The following CARF variants were observed in gnomAD, a reference collection of about 807,000 sequenced individuals.
CARF encodes calcium-responsive transcription factor.
A neutral mutation model predicts 82.0 loss-of-function variants in CARF; 57 were observed. The ratio of observed to expected loss-of-function variants is 0.70; its 90% CI spans 0.56 to 0.87. The LOEUF (loss-of-function observed/expected upper bound fraction) is 0.87. CARF is among the 40% of genes least tolerant of loss of function. The probability of loss-of-function intolerance (pLI) is 0.00; values close to 1 mark genes in which losing one functional copy is unlikely to be tolerated. For synonymous variants in CARF, 268 were observed against 290.1 expected (o/e 0.92, Z 0.77); for missense variants, 771 against 855.8 (o/e 0.90, Z 1.24).
At position 202,981,766 on chromosome 2, in the gene CARF, G is replaced by T; in HGVS notation, c.1689+81G>T. ...ACCTCTTCTTCTCCTAGGGATTTTA[G>T]AGAATTGTTACAGAATTATAATAAT... On this transcript the variant is annotated intron_variant, in intron 15 of 16. Coordinates refer to ENST00000438828, the MANE Select transcript of CARF (RefSeq NM_024744.17). 1.5e-5 allele frequency: 19 copies of T among 1,243,826 alleles called. No individual in the cohort carries two copies. The South Asian group carries it at 2.4e-4, about 16-fold the overall frequency. The allele number at this position is 1,243,826 out of a possible 1,614,324, so 77.0% of individuals were successfully genotyped here. A position where few individuals can be genotyped will look rare whatever the true frequency, so the allele number is the denominator to read the frequency against.
intron 12 of CARF, chr2:202,973,464 C>T (rs2059891474): frequency 4.6e-6 from 2 of 435,316 alleles, no homozygotes; most frequent in Admixed American, 5.3e-5. Context: ...CTTCTTTTGT[C>T]TCCGTGTAAA....
chr2:202,930,968 C>CTTTTTTTTTTTTTTTTTTTTTT (rs1007407230), intron 3 of CARF, among the ~76,000 whole-genome samples: 1 of 103,216 alleles, frequency 9.7e-6, no homozygotes. Flanking sequence ...TTTTTCTTTT[C>CTTTTTTTTTTTTTTTTTTTTTT]TTTTTTTTTT....
In CARF at chr2:202,983,749, A is replaced by T. The variant is rs2060356252; in HGVS notation, c.*125A>T. 3.0e-6 allele frequency: 2 copies of T among 663,722 alleles called. No homozygotes were observed. The highest frequency in any genetic ancestry group is 5.5e-5 in the East Asian group (2 of 36,170). The allele number at this position is 663,722 out of a possible 1,614,324, so 41.1% of individuals were successfully genotyped here. ...AAGACCAGTTTGATGAGAAGCTTTT[A>T]TTTAAAACTGATATATTTGTTGCCA... On this transcript the variant is annotated 3_prime_UTR_variant, in exon 17 of 17. Transcript: ENST00000438828.
At chr2:202,978,888 G>A (rs1284496269) in intron 14 of CARF, among the ~76,000 whole-genome samples, 1 of 152,130 alleles carries the variant, frequency 6.6e-6, no homozygotes, top group Non-Finnish European at 1.5e-5. Context: ...GAAAACTGAG[G>A]GATTAATTGA....
At chr2:202,957,956 T>A (rs904953905) in intron 8 of CARF, among the ~76,000 whole-genome samples, 9 of 151,878 alleles carry the variant, frequency 5.9e-5, no homozygotes, top group Non-Finnish European at 1.2e-4. Context: ...AAAAAAAAAT[T>A]AAAAAATAAA....
rs72932561 is a variant in CARF, at chr2:202,983,679, G to A, written c.*55G>A. On this transcript the variant is annotated 3_prime_UTR_variant, in exon 17 of 17. Coordinates refer to ENST00000438828, the MANE Select transcript of CARF (RefSeq NM_024744.17). Reference sequence around the variant, plus strand: ...CTGGTGACTTCTGATGTCTTAGAAAGGAAGGTGAATATAGTCAAAGCGTGG... The same window carrying A: ...CTGGTGACTTCTGATGTCTTAGAAAAGAAGGTGAATATAGTCAAAGCGTGG... 115,559 of 1,095,102 alleles carry A rather than the reference G, an allele frequency of 0.11. 7,193 individuals carry two copies. Among genetic ancestry groups the A allele is most frequent in the Non-Finnish European group, 0.13 (91,284 of 722,632 alleles). 67.8% of individuals were successfully genotyped at this position (1,095,102 alleles called of 1,614,324 possible). A position where few individuals can be genotyped will look rare whatever the true frequency, so the allele number is the denominator to read the frequency against.
chr2:202,937,930 T>TAA (rs11346288), intron 3 of CARF, among the ~76,000 whole-genome samples: 20 of 143,350 alleles, frequency 1.4e-4, no homozygotes, highest in Non-Finnish European at 2.0e-4. Context: ...CAGCCAACTG[T>TAA]AAAAAAAAAA....
At chr2:202,927,173 A>G (rs1348237597) in intron 3 of CARF, among the ~76,000 whole-genome samples, 2 of 152,076 alleles carry the variant, frequency 1.3e-5, no homozygotes, top group Non-Finnish European at 2.9e-5. Flanking sequence ...TTCTCTACAG[A>G]AAACCAGTTT....
In CARF at chr2:202,941,962, C is replaced by T; in HGVS notation, c.60C>T (p.Thr20=). ...ATAATGACGGTGAAGAGTCAAAAAC[C>T]AGTGCTCAAGTATTTGAGGTATGGA... ...VNHNDGEESK[T]SAQVFEHLIC... The change falls in exon 4 of 17, where the codon ACC becomes ACT. Residue 20 remains threonine (T), a synonymous_variant. Transcript: ENST00000438828. 6.2e-7 allele frequency: 1 copy of T among 1,613,278 alleles called. No homozygotes were observed. Among genetic ancestry groups the T allele is most frequent in the Non-Finnish European group, 8.5e-7 (1 of 1,179,510 alleles).
intron 13 of CARF, 114 bp from the exon 14 acceptor site, chr2:202,977,155 T>C: frequency 2.8e-6 from 2 of 721,556 alleles, no homozygotes; most frequent in Non-Finnish European, 4.8e-6. Context: ...GTGAAGAGAG[T>C]AGTTGCAGAA....
chr2:202,917,114 G>A (rs1055936411), intron 1 of CARF, among the ~76,000 whole-genome samples: 3 of 149,164 alleles, frequency 2.0e-5, no homozygotes, highest in African/African-American at 7.4e-5. Flanking sequence ...GGGAGGCTGA[G>A]GCAGGAGAAT....
At chr2:202,960,485 G>C (rs1325382718) in intron 8 of CARF, among the ~76,000 whole-genome samples, 1 of 151,936 alleles carries the variant, frequency 6.6e-6, no homozygotes, top group Non-Finnish European at 1.5e-5. Flanking sequence ...CTTGACCTCA[G>C]GTGATCTGCC....
chr2:202,976,417 G>T (rs993554497), intron 13 of CARF, among the ~76,000 whole-genome samples: 2 of 151,292 alleles, frequency 1.3e-5, no homozygotes, highest in Admixed American at 1.3e-4. Context: ...CACGTGATCT[G>T]CCCTCCTTGG....
Position 202,942,875 on chromosome 2 carries a change from ACT to A in CARF, c.217_218del (p.Leu73PhefsTer18), listed in dbSNP as rs1559216500. 3 of 1,613,976 alleles carry A rather than the reference ACT, an allele frequency of 1.9e-6. No individual in the cohort carries two copies. The highest frequency in any genetic ancestry group is 2.5e-6 in the Non-Finnish European group (3 of 1,180,014). On this transcript the variant is annotated frameshift_variant, in exon 5 of 17. Transcript: ENST00000438828. LOFTEE classifies it high-confidence loss of function. Reference protein sequence around the residue: ...NIPGPLTQTQTLSAEQFHLVD... With the variant: ...NIPGPLTQTQXLSAEQFHLVD... ...ACCAGGGCCCCTGACTCAGACACAGACTCTTTCTGCAGAGCAATTCCATCTAG... is the reference window on the plus strand; with the variant it reads ...ACCAGGGCCCCTGACTCAGACACAGACTTTCTGCAGAGCAATTCCATCTAG...
intron 9 of CARF, among the ~76,000 whole-genome samples, chr2:202,964,137 G>C (rs2059439556): frequency 6.6e-6 from 1 of 152,104 alleles, no homozygotes; most frequent in African/African-American, 2.4e-5. Context: ...ACCGTTTTCT[G>C]AGCTTTTTGG....
intron 3 of CARF, among the ~76,000 whole-genome samples, chr2:202,933,912 C>T (rs1693443330): frequency 6.6e-6 from 1 of 151,706 alleles, no homozygotes; most frequent in Admixed American, 6.6e-5. Flanking sequence ...ACTATACAAA[C>T]AGGGAACACA....
intron 2 of CARF, among the ~76,000 whole-genome samples, chr2:202,921,210 C>G (rs1690729604): frequency 6.6e-6 from 1 of 152,128 alleles, no homozygotes; most frequent in African/African-American, 2.4e-5. Context: ...ACCATGTTAG[C>G]CAGGATGGTC....
At chr2:202,975,034 G>A (rs891722247) in intron 13 of CARF, among the ~76,000 whole-genome samples, 1 of 152,170 alleles carries the variant, frequency 6.6e-6, no homozygotes, top group Non-Finnish European at 1.5e-5. Flanking sequence ...ACACTGGCCA[G>A]GCACAGTGGC....
intron 2 of CARF, among the ~76,000 whole-genome samples, chr2:202,920,897 C>A (rs545492332): frequency 7.4e-4 from 112 of 151,886 alleles, no homozygotes; most frequent in Non-Finnish European, 1.1e-3. Context: ...TAATAGAGTC[C>A]TTTTGTATTT....
Sources: gnomAD v4.1 joint callset for allele counts (sites outside exome capture counted in the v4.1 genomes callset) on GRCh38, gnomAD v4.1.1 for gene constraint, MANE v1.5 for transcripts, NCBI Gene and HGNC (gene_info 2026-07-23, HGNC 2026-07-21) for gene names.